The following SLC12A3 variants were observed in gnomAD, a reference collection of about 807,000 sequenced individuals.
SLC12A3 encodes solute carrier family 12 member 3, also known as Na-Cl cotransporter.
Under a neutral mutation model 121.0 loss-of-function variants are expected in SLC12A3, and 104 were observed. That is an observed-to-expected ratio of 0.86 (90% CI 0.73 to 1.01). The LOEUF (loss-of-function observed/expected upper bound fraction) is 1.01, where lower values mean the gene tolerates loss of function less well. SLC12A3 is among the 50% of genes least tolerant of loss of function. The pLI is 0.00. For synonymous variants in SLC12A3, 536 were observed against 533.4 expected (o/e 1.00, Z -0.07); for missense variants, 1,328 against 1,356.3 (o/e 0.98, Z 0.33).
chr16:56,904,472 G>A lies in SLC12A3; in HGVS notation c.2924+10G>A, dbSNP rs774378615. Reference sequence around the variant, plus strand: ...CTGCTCTCATCGTCATGTAAGTAGTGCCCGGCTGGTGGGAGGACCAGTCTG... The same window carrying A: ...CTGCTCTCATCGTCATGTAAGTAGTACCCGGCTGGTGGGAGGACCAGTCTG... On this transcript the variant is annotated intron_variant, in intron 25 of 25. Coordinates refer to ENST00000563236, the MANE Select transcript of SLC12A3 (RefSeq NM_001126108.2). The A allele has an allele frequency of 6.2e-7, 1 of 1,613,286 alleles. No homozygotes were observed. Among genetic ancestry groups the A allele is most frequent in the Non-Finnish European group, 8.5e-7 (1 of 1,179,338 alleles).
intron 18 of SLC12A3, among the ~76,000 whole-genome samples, chr16:56,888,704 G>A (rs1044576636): frequency 7.9e-5 from 12 of 151,750 alleles, no homozygotes; most frequent in African/African-American, 2.9e-4. Context: ...GACTACAGGC[G>A]CCCGCCACCA....
At chr16:56,882,607 C>T (rs1448491323) in intron 13 of SLC12A3, 110 bp downstream of exon 13, 1 of 808,004 alleles carries the variant, frequency 1.2e-6, no homozygotes, top group Admixed American at 1.8e-5. Context: ...CCAAGGTCAC[C>T]TCTCAATTTA....
intron 25 of SLC12A3, among the ~76,000 whole-genome samples, chr16:56,905,385 A>G (rs963418249): frequency 2.7e-5 from 4 of 150,840 alleles, no homozygotes; most frequent in Non-Finnish European, 1.5e-5. Flanking sequence ...GAAGAACATG[A>G]TCAGCCAAGC....
chr16:56,893,800 C>T (rs765601240), intron 21 of SLC12A3, among the ~76,000 whole-genome samples: 9 of 152,046 alleles, frequency 5.9e-5, no homozygotes, highest in Admixed American at 1.3e-4. Flanking sequence ...CTTTTTGAGA[C>T]GGAGTCTTAC....
Position 56,913,311 on chromosome 16 carries a change from T to G in SLC12A3, c.2972T>G (p.Met991Arg), listed in dbSNP as rs1210754569. Residue 991 changes from methionine to arginine, a missense_variant, in exon 26 of 26, where the codon ATG (methionine) becomes AGG (arginine). Met to Arg is a moderately conservative substitution (Grantham distance 91). Transcript: ENST00000563236. ...GGGAAGTGCCCCAGCTCGCTGTACA[T>G]GGCCTGGCTGGAGACCCTGTCCCAG... Reference protein sequence around the residue: ...RKGKCPSSLYMAWLETLSQDL... With the variant: ...RKGKCPSSLYRAWLETLSQDL... 1 of 1,614,052 alleles carries G rather than the reference T, an allele frequency of 6.2e-7. No individual in the cohort carries two copies. Among genetic ancestry groups the G allele is most frequent in the African/African-American group, 1.3e-5 (1 of 74,920 alleles).
At chr16:56,901,745 G>T (rs1334330586) in intron 23 of SLC12A3, among the ~76,000 whole-genome samples, 2 of 152,168 alleles carry the variant, frequency 1.3e-5, no homozygotes, top group East Asian at 3.9e-4. Flanking sequence ...GCCCGACTGG[G>T]CCCTCTCTGC....
intron 22 of SLC12A3, among the ~76,000 whole-genome samples, chr16:56,896,950 GGCATGGTA>G (rs1663876628): frequency 6.6e-6 from 1 of 152,002 alleles, no homozygotes; most frequent in African/African-American, 2.4e-5. Flanking sequence ...AAATTAGCTT[GGCATGGTA>G]GCATGTGCCT....
chr16:56,904,397 C>T lies in SLC12A3; in HGVS notation c.2859C>T (p.Ser953=), dbSNP rs749254306. The change falls in exon 25 of 26, where the codon TCC becomes TCT. Residue 953 remains serine, a splice_region_variant and synonymous_variant. Transcript: ENST00000563236. ...DEEITKNRVK[S]LRQVRLNEIV... is the part of the protein sequence containing the mutation. The stretch of plus-strand genomic sequence containing the variant: ...CCACTCGGCTTTCTCCCGCCCAGTC[C>T]CTTCGGCAGGTGAGGCTGAATGAGA... 1 of 1,613,944 alleles carries T rather than the reference C, an allele frequency of 6.2e-7. No homozygotes were observed. Among genetic ancestry groups the T allele is most frequent in the Non-Finnish European group, 8.5e-7 (1 of 1,179,812 alleles).
chr16:56,870,079 C>T lies in SLC12A3; in HGVS notation c.602-17C>T, dbSNP rs748227664. The T allele has an allele frequency of 6.6e-5, 107 of 1,611,524 alleles. No homozygotes were observed. Among genetic ancestry groups the T allele is most frequent in the Admixed American group, 2.8e-4 (17 of 60,008 alleles). ...CCGACTCATCTGGTTTCATGGTTCC[C>T]GGCTCTGCCCTGATAGGTGGCACCT... On this transcript the variant is annotated splice_polypyrimidine_tract_variant and intron_variant, in intron 4 of 25. Transcript: ENST00000563236.
chr16:56,866,315 C>G (rs1312140722), intron 1 of SLC12A3, among the ~76,000 whole-genome samples: 3 of 152,158 alleles, frequency 2.0e-5, no homozygotes, highest in Non-Finnish European at 4.4e-5. Flanking sequence ...GAGGCTAAGA[C>G]TTACTAAATT....
rs1166101202 is a variant in SLC12A3, at chr16:56,902,390, A to G, written c.2738A>G (p.Asp913Gly). 2.5e-6 allele frequency: 4 copies of G among 1,614,122 alleles called. No homozygotes were observed. The highest frequency in any genetic ancestry group is 3.3e-5 in the Admixed American group (2 of 60,018). The change falls in exon 24 of 26, where the codon GAC (aspartate) becomes GGC (glycine). Residue 913 changes from aspartate (D) to glycine (G), a missense_variant. Transcript: ENST00000563236. ...PRAEHTKRFE[D>G]MIAPFRLNDG... ...GTCCCCAGCACCAAGAGGTTTGAGG[A>G]CATGATTGCACCCTTCCGTCTGAAT... is the stretch of plus-strand genomic sequence containing the variant.
In SLC12A3 at chr16:56,873,370, CTTTCTTTTTTTTTTTTTT is replaced by C. The variant is rs1201164616; in HGVS notation, c.1095+588_1095+605del. Among the ~76,000 whole-genome samples, 68 of 96,940 alleles carry C rather than the reference CTTTCTTTTTTTTTTTTTT, an allele frequency of 7.0e-4. 1 individual carries two copies. Among genetic ancestry groups the C allele is most frequent in the African/African-American group, 2.7e-3 (68 of 25,558 alleles). 63.6% of individuals were successfully genotyped at this position (96,940 alleles called of 152,430 possible). A position where few individuals can be genotyped will look rare whatever the true frequency, so the allele number is the denominator to read the frequency against. ...CTGAAAGTCTGTTCTGTTTCTCTTT[CTTTCTTTTTTTTTTTTTT>C]TTTTTTTTTTTTTTTGAGATGGAGT... On this transcript the variant is annotated intron_variant, in intron 8 of 25. Coordinates refer to ENST00000563236, the MANE Select transcript of SLC12A3 (RefSeq NM_001126108.2).
At position 56,913,424 on chromosome 16, in the gene SLC12A3, C is replaced by G; in HGVS notation, c.*19C>G. 6.2e-6 allele frequency: 10 copies of G among 1,613,288 alleles called. No homozygotes were observed. The highest frequency in any genetic ancestry group is 8.5e-6 in the Non-Finnish European group (10 of 1,179,190). On this transcript the variant is annotated 3_prime_UTR_variant, in exon 26 of 26. Coordinates refer to ENST00000563236, the MANE Select transcript of SLC12A3 (RefSeq NM_001126108.2). Reference sequence around the variant, plus strand: ...CCAGTAACTCCAGGCTTTGACATCCCTGTCCACAGCTCTGAGTGTGTGGGA... The same window carrying G: ...CCAGTAACTCCAGGCTTTGACATCCGTGTCCACAGCTCTGAGTGTGTGGGA...
intron 3 of SLC12A3, among the ~76,000 whole-genome samples, chr16:56,869,089 G>T (rs1296680988): frequency 6.6e-6 from 1 of 152,202 alleles, no homozygotes; most frequent in Non-Finnish European, 1.5e-5. Flanking sequence ...CTGAGCCTTG[G>T]ATTCCTCATT....
chr16:56,904,735 G>A, intron 25 of SLC12A3: 1 of 440,510 alleles, frequency 2.3e-6, no homozygotes, highest in Non-Finnish European at 4.3e-6. Flanking sequence ...CCTGTTGGCT[G>A]CCTTTTCCTA....
chr16:56,888,009 G>A lies in SLC12A3; in HGVS notation c.2263G>A (p.Glu755Lys). 6.2e-7 allele frequency: 1 copy of A among 1,611,396 alleles called. No homozygotes were observed. Among genetic ancestry groups the A allele is most frequent in the Non-Finnish European group, 8.5e-7 (1 of 1,178,288 alleles). Reference protein sequence around the residue: ...NWQSAHPATVEDYIGILHDAF... With the variant: ...NWQSAHPATVKDYIGILHDAF... The stretch of plus-strand genomic sequence containing the variant: ...GCAGTCGGCTCACCCGGCCACAGTG[G>A]AAGACTACATTGGCATCCTCCAGTG... Residue 755 changes from glutamate (E) to lysine (K), a missense_variant, in exon 18 of 26, where the codon GAA becomes AAA. Physicochemically the swap from Glu to Lys is moderately conservative, Grantham distance 56. Transcript: ENST00000563236.
At chr16:56,878,035 T>A in intron 8 of SLC12A3, 42 bp from the exon 9 acceptor site, 4 of 459,008 alleles carry the variant, frequency 8.7e-6, no homozygotes, top group Admixed American at 2.7e-5. Context: ...TCCCTCCCTC[T>A]CTCCCTCCCT....
At position 56,904,449 on chromosome 16, in the gene SLC12A3, G is replaced by C; in HGVS notation, c.2911G>C (p.Ala971Pro). Reference sequence around the variant, plus strand: ...TGTGCTGGATTACTCCCGAGACGCTGCTCTCATCGTCATGTAAGTAGTGCC... The same window carrying C: ...TGTGCTGGATTACTCCCGAGACGCTCCTCTCATCGTCATGTAAGTAGTGCC... ...EIVLDYSRDA[A>P]LIVITLPIGR... The change falls in exon 25 of 26, where the codon GCT (alanine) becomes CCT (proline). Residue 971 changes from alanine (A) to proline (P), a missense_variant. Physicochemically the swap from Ala to Pro is conservative, Grantham distance 27. Coordinates refer to ENST00000563236, the MANE Select transcript of SLC12A3 (RefSeq NM_001126108.2). The C allele has an allele frequency of 6.2e-7, 1 of 1,613,780 alleles. No individual in the cohort carries two copies. The highest frequency in any genetic ancestry group is 1.1e-5 in the South Asian group (1 of 91,082).
chr16:56,865,669 C>A (rs1283439989), intron 1 of SLC12A3, 152 bp downstream of exon 1: 6 of 863,138 alleles, frequency 7.0e-6, no homozygotes, highest in Admixed American at 6.0e-5. Flanking sequence ...AATAGTGGAG[C>A]TGCAGAAATC....
Sources: allele counts gnomAD v4.1 joint callset (sites outside exome capture counted in the v4.1 genomes callset), GRCh38; gene constraint gnomAD v4.1.1; transcripts MANE v1.5; gene names NCBI Gene and HGNC (gene_info 2026-07-23, HGNC 2026-07-21).